Variants in THSD7B observed in about 807,000 individuals in gnomAD.
THSD7B encodes thrombospondin type 1 domain containing 7B.
In THSD7B, 138 loss-of-function variants were observed where a neutral mutation model predicts 213.6. The observed-to-expected ratio is 0.65, with a 90% CI of 0.56 to 0.74. The LOEUF (loss-of-function observed/expected upper bound fraction) is 0.74. Among genes scored for constraint, THSD7B ranks in the 30% least tolerant of loss-of-function variants. The probability of loss-of-function intolerance (pLI) is 0.00; values close to 1 mark genes in which losing one functional copy is unlikely to be tolerated. For synonymous variants in THSD7B, 742 were observed against 687.0 expected (o/e 1.08, Z -1.25); for missense variants, 1,931 against 1,991.5 (o/e 0.97, Z 0.58).
intron 15 of THSD7B, among the ~76,000 whole-genome samples, chr2:137,492,404 A>G (rs1679432787): frequency 6.6e-6 from 1 of 152,062 alleles, no homozygotes; most frequent in African/African-American, 2.4e-5. Flanking sequence ...CCACACCTCT[A>G]CTTTTGTGTC....
rs183106921 is a variant in THSD7B, at chr2:137,438,684, G to C, written c.2960-12161G>C. Among the ~76,000 whole-genome samples, 44 of 152,176 alleles carry C rather than the reference G, an allele frequency of 2.9e-4. 1 individual carries two copies. The highest frequency in any genetic ancestry group is 1.0e-3 in the African/African-American group (43 of 41,534). Reference sequence around the variant, plus strand: ...TGAGGTGGGATATAAGCCTAGGTCAGCTTGGTGTGTATCTAAGGCTGCACT... The same window carrying C: ...TGAGGTGGGATATAAGCCTAGGTCACCTTGGTGTGTATCTAAGGCTGCACT... On this transcript the variant is annotated intron_variant, in intron 14 of 27. Coordinates refer to ENST00000409968, the MANE Select transcript of THSD7B (RefSeq NM_001316349.2).
chr2:137,020,400 C>A (rs1208214040), intron 2 of THSD7B, among the ~76,000 whole-genome samples: 2 of 152,130 alleles, frequency 1.3e-5, no homozygotes, highest in East Asian at 3.9e-4. Flanking sequence ...CTGCTAAATG[C>A]CTGCAATCGC....
intron 5 of THSD7B, among the ~76,000 whole-genome samples, chr2:137,158,759 C>T (rs1332400733): frequency 2.0e-5 from 3 of 152,100 alleles, no homozygotes; most frequent in African/African-American, 4.8e-5. Flanking sequence ...GACTCTTACA[C>T]GTGTTAAGGG....
intron 7 of THSD7B, among the ~76,000 whole-genome samples, chr2:137,175,498 T>G (rs1056768544): frequency 1.3e-5 from 2 of 152,222 alleles, no homozygotes; most frequent in Non-Finnish European, 2.9e-5. Flanking sequence ...CTATGCATTT[T>G]CCATGCAAAT....
chr2:137,424,506 A>G (rs1455010375), intron 14 of THSD7B, among the ~76,000 whole-genome samples: 1 of 152,194 alleles, frequency 6.6e-6, no homozygotes, highest in Non-Finnish European at 1.5e-5. Context: ...ACCAAATTCA[A>G]TAGCACATTA....
At chr2:137,583,598 C>T (rs1209931390) in intron 17 of THSD7B, among the ~76,000 whole-genome samples, 1 of 152,182 alleles carries the variant, frequency 6.6e-6, no homozygotes, top group Non-Finnish European at 1.5e-5. Flanking sequence ...AATAGGGAAT[C>T]CTTTCCCCAT....
chr2:137,249,048 T>G (rs1385621322), intron 10 of THSD7B, among the ~76,000 whole-genome samples: 1 of 152,128 alleles, frequency 6.6e-6, no homozygotes, highest in African/African-American at 2.4e-5. Flanking sequence ...ATGGTCCCAG[T>G]GCTCAATAAA....
chr2:137,201,285 G>C (rs1680870228), intron 7 of THSD7B, among the ~76,000 whole-genome samples: 1 of 152,076 alleles, frequency 6.6e-6, no homozygotes, highest in African/African-American at 2.4e-5. Flanking sequence ...GCATGTGCAT[G>C]TGTGCACACG....
intron 6 of THSD7B, among the ~76,000 whole-genome samples, chr2:137,162,048 A>G (rs996190028): frequency 3.9e-5 from 6 of 152,164 alleles, no homozygotes; most frequent in Non-Finnish European, 1.5e-5. Context: ...ACTCTTGGTT[A>G]TATTACTTGG....
intron 15 of THSD7B, among the ~76,000 whole-genome samples, chr2:137,545,230 A>G (rs747053863): frequency 1.3e-5 from 2 of 151,884 alleles, no homozygotes; most frequent in Non-Finnish European, 2.9e-5. Flanking sequence ...TACTTATTAC[A>G]GTGAATTCTC....
chr2:137,064,383 G>T (rs941750466), intron 3 of THSD7B, among the ~76,000 whole-genome samples: 7 of 151,840 alleles, frequency 4.6e-5, no homozygotes, highest in Admixed American at 1.3e-4. Context: ...AGTTGTTTGA[G>T]CTTCTTATGT....
chr2:136,918,514 C>A (rs1684382024), intron 2 of THSD7B, among the ~76,000 whole-genome samples: 1 of 152,144 alleles, frequency 6.6e-6, no homozygotes, highest in African/African-American at 2.4e-5. Context: ...TTTCCTGATG[C>A]ATGTAATGAA....
At chr2:136,884,899 A>G (rs1683690439) in intron 2 of THSD7B, among the ~76,000 whole-genome samples, 1 of 152,136 alleles carries the variant, frequency 6.6e-6, no homozygotes, top group South Asian at 2.1e-4. Context: ...ATGCAGTATT[A>G]TTTTAAAGGT....
chr2:137,308,667 A>G (rs1208472707), intron 12 of THSD7B, among the ~76,000 whole-genome samples: 1 of 152,016 alleles, frequency 6.6e-6, no homozygotes, highest in Non-Finnish European at 1.5e-5. Context: ...TATGTTTTTG[A>G]AAAAAATCCC....
At chr2:137,181,091 G>GT in intron 7 of THSD7B, among the ~76,000 whole-genome samples, 1 of 152,172 alleles carries the variant, frequency 6.6e-6, no homozygotes, top group East Asian at 1.9e-4. Flanking sequence ...TACTTATCTG[G>GT]TTTTCCCTGC....
intron 1 of THSD7B, among the ~76,000 whole-genome samples, chr2:136,834,739 G>A (rs1682817075): frequency 6.6e-6 from 1 of 152,130 alleles, no homozygotes; most frequent in Admixed American, 6.5e-5. Context: ...AGTAATTGCA[G>A]TAGAGCACAA....
intron 10 of THSD7B, among the ~76,000 whole-genome samples, chr2:137,246,936 C>T (rs888338283): frequency 6.6e-6 from 1 of 152,276 alleles, no homozygotes; most frequent in East Asian, 1.9e-4. Flanking sequence ...CCAGCCCGCC[C>T]AGTCAGAATA....
intron 3 of THSD7B, among the ~76,000 whole-genome samples, chr2:137,079,794 T>C (rs1445119477): frequency 2.0e-5 from 3 of 152,196 alleles, no homozygotes; most frequent in African/African-American, 7.2e-5. Context: ...CATGTATTAA[T>C]TGCTTCCTTT....
chr2:136,962,224 C>T (rs1573736421), intron 2 of THSD7B, among the ~76,000 whole-genome samples: 1 of 152,118 alleles, frequency 6.6e-6, no homozygotes, highest in Non-Finnish European at 1.5e-5. Context: ...AGATGCTCCC[C>T]TCAAGCTTGC....
Sources: gnomAD v4.1 joint callset for allele counts (sites outside exome capture counted in the v4.1 genomes callset) on GRCh38, gnomAD v4.1.1 for gene constraint, MANE v1.5 for transcripts, NCBI Gene and HGNC (gene_info 2026-07-23, HGNC 2026-07-21) for gene names.